Variants in PCDH9 observed in about 807,000 individuals in gnomAD.
The protein encoded by PCDH9 is protocadherin-9.
Under a neutral mutation model 70.6 loss-of-function variants are expected in PCDH9, and 24 were observed. The observed-to-expected ratio is 0.34, with a 90% confidence interval of 0.25 to 0.48. PCDH9 has a LOEUF of 0.48. PCDH9 is among the 20% of genes least tolerant of loss of function. PCDH9 has a pLI of 0.99. For synonymous variants in PCDH9, 562 were observed against 558.5 expected, an observed-to-expected ratio of 1.01 and a Z score of -0.09; for missense variants, 1,281 against 1,503.6, an observed-to-expected ratio of 0.85 and a Z score of 2.45.
At chr13:66,912,215 T>C (rs1012539119) in intron 2 of PCDH9, among the ~76,000 whole-genome samples, 4 of 152,146 alleles carry the variant, frequency 2.6e-5, no homozygotes, top group African/African-American at 9.7e-5. Context: ...GGAAAAATAA[T>C]CAGTTGCCTT....
At chr13:66,589,627 C>T (rs2077013053) in intron 4 of PCDH9, among the ~76,000 whole-genome samples, 2 of 152,154 alleles carry the variant, frequency 1.3e-5, no homozygotes, top group South Asian at 4.2e-4. Flanking sequence ...TCCCTCAAGG[C>T]TCCTAAGTGC....
chr13:66,485,556 G>A lies in PCDH9; in HGVS notation c.3340+145654C>T, dbSNP rs73511737. Among the ~76,000 whole-genome samples, 1,484 of 151,984 alleles carry A rather than the reference G, an allele frequency of 9.8e-3. 24 individuals are homozygous for A. The highest frequency in any genetic ancestry group is 0.033 in the African/African-American group (1,388 of 41,448). On this transcript the variant is annotated intron_variant, in intron 4 of 4. Transcript: ENST00000377865. The stretch of plus-strand genomic sequence containing the variant: ...ATATATTCAAGGGAGAAATAAGAAA[G>A]GCACCAGAAATGCATACAGGTATGT...
intron 3 of PCDH9, among the ~76,000 whole-genome samples, chr13:66,643,031 G>A (rs1202731487): frequency 2.0e-5 from 3 of 151,824 alleles, no homozygotes; most frequent in African/African-American, 2.4e-5. Context: ...CTTCATAAGC[G>A]GTTTTGAATC....
intron 2 of PCDH9, among the ~76,000 whole-genome samples, chr13:67,047,554 C>G (rs943082247): frequency 2.0e-5 from 3 of 152,176 alleles, no homozygotes; most frequent in African/African-American, 7.2e-5. Flanking sequence ...TTCTTTCCCC[C>G]ACTCTGCTGC....
intron 2 of PCDH9, among the ~76,000 whole-genome samples, chr13:67,030,316 G>C (rs943655162): frequency 2.0e-5 from 3 of 152,140 alleles, no homozygotes; most frequent in Non-Finnish European, 4.4e-5. Context: ...CCATTCTAGA[G>C]TAGCTTGCTT....
chr13:66,339,207 T>C (rs1354099892), intron 4 of PCDH9, among the ~76,000 whole-genome samples: 1 of 152,022 alleles, frequency 6.6e-6, no homozygotes. Flanking sequence ...GTATTCATTT[T>C]TATTGTCTGT....
intron 2 of PCDH9, among the ~76,000 whole-genome samples, chr13:66,930,794 T>C (rs970904503): frequency 2.4e-4 from 36 of 152,030 alleles, no homozygotes; most frequent in African/African-American, 8.5e-4. Context: ...TTTGTGTAGG[T>C]GTCCACATTT....
At position 66,428,695 on chromosome 13, in the gene PCDH9, T is replaced by A. The variant is rs574989515; in HGVS notation, c.3341-123667A>T. Among the ~76,000 whole-genome samples the A allele has an allele frequency of 7.9e-5, 12 of 151,906 alleles. No homozygotes were observed. In the South Asian group the frequency reaches 2.5e-3, roughly 31 times the overall value. ...AACGAATATGTGTGAAATGATTGAA[T>A]ATACGAGATATTTAGGGTAAATGGA... On this transcript the variant is annotated intron_variant, in intron 4 of 4. Coordinates refer to ENST00000377865, the MANE Select transcript of PCDH9 (RefSeq NM_203487.3).
intron 4 of PCDH9, among the ~76,000 whole-genome samples, chr13:66,498,754 G>A (rs572027876): frequency 1.9e-4 from 29 of 152,008 alleles, no homozygotes; most frequent in Non-Finnish European, 3.5e-4. Context: ...GTGGTATCCC[G>A]TATTAAGTGC....
chr13:66,844,223 T>C (rs1290518687), intron 3 of PCDH9, among the ~76,000 whole-genome samples: 1 of 152,138 alleles, frequency 6.6e-6, no homozygotes, highest in Non-Finnish European at 1.5e-5. Flanking sequence ...GTTTCTAGCA[T>C]GAATCAGTGG....
chr13:66,327,802 A>G (rs1955873470), intron 4 of PCDH9, among the ~76,000 whole-genome samples: 1 of 152,302 alleles, frequency 6.6e-6, no homozygotes, highest in East Asian at 1.9e-4. Context: ...ATTGTATATA[A>G]TCATTATAAA....
intron 2 of PCDH9, among the ~76,000 whole-genome samples, chr13:66,960,092 A>C (rs749600338): frequency 1.3e-4 from 20 of 152,196 alleles, no homozygotes; most frequent in Non-Finnish European, 1.2e-4. Context: ...ATTGACTGAC[A>C]TGCAAGAAAG....
At chr13:66,673,019 G>T (rs1261007406) in intron 3 of PCDH9, among the ~76,000 whole-genome samples, 1 of 152,130 alleles carries the variant, frequency 6.6e-6, no homozygotes, top group Non-Finnish European at 1.5e-5. Context: ...TAAGACTTTG[G>T]GGGGCTGTTG....
At chr13:66,977,781 T>C (rs1179387606) in intron 2 of PCDH9, among the ~76,000 whole-genome samples, 1 of 152,128 alleles carries the variant, frequency 6.6e-6, no homozygotes, top group Non-Finnish European at 1.5e-5. Flanking sequence ...ACCCAGCTTC[T>C]ACCAGAAAAG....
At chr13:66,805,801 C>T (rs2080400588) in intron 3 of PCDH9, among the ~76,000 whole-genome samples, 1 of 152,142 alleles carries the variant, frequency 6.6e-6, no homozygotes, top group Non-Finnish European at 1.5e-5. Context: ...AATGCAATCA[C>T]ATTTGAGGTT....
chr13:66,738,831 TG>T (rs1422260742), intron 3 of PCDH9, among the ~76,000 whole-genome samples: 1 of 151,388 alleles, frequency 6.6e-6, no homozygotes, highest in Non-Finnish European at 1.5e-5. Flanking sequence ...CCAAGAAATA[TG>T]GGACTATGTG....
intron 4 of PCDH9, among the ~76,000 whole-genome samples, chr13:66,406,922 C>A (rs1957290272): frequency 6.6e-6 from 1 of 152,028 alleles, no homozygotes; most frequent in Non-Finnish European, 1.5e-5. Context: ...TTTTTAGCTG[C>A]AGAAAAATTT....
intron 2 of PCDH9, among the ~76,000 whole-genome samples, chr13:67,128,765 T>C (rs559989443): frequency 6.6e-6 from 1 of 152,270 alleles, no homozygotes; most frequent in Admixed American, 6.5e-5. Flanking sequence ...CTCTAGAAGA[T>C]GTTGAGCTTC....
chr13:66,891,818 T>C (rs1311303320), intron 3 of PCDH9, among the ~76,000 whole-genome samples: 1 of 149,772 alleles, frequency 6.7e-6, no homozygotes, highest in Non-Finnish European at 1.5e-5. Flanking sequence ...TGTATTCCAT[T>C]TTTTTTTTGT....
Sources: allele counts gnomAD v4.1 joint callset (sites outside exome capture counted in the v4.1 genomes callset), GRCh38; gene constraint gnomAD v4.1.1; transcripts MANE v1.5; gene names NCBI Gene and HGNC (gene_info 2026-07-23, HGNC 2026-07-21).